DDX60L: variants seen among roughly 807,000 people sequenced by gnomAD.
The protein encoded by DDX60L is DExD/H-box 60 like.
A neutral mutation model predicts 211.6 loss-of-function variants in DDX60L; 191 were observed. The observed-to-expected ratio is 0.90, with a 90% CI of 0.80 to 1.02. The LOEUF (loss-of-function observed/expected upper bound fraction) is 1.02, where lower values mean the gene tolerates loss of function less well. Ranked by LOEUF, DDX60L falls within the 50% of genes least tolerant of loss-of-function variation. DDX60L has a pLI of 0.00. For synonymous variants in DDX60L, 706 were observed against 694.1 expected (o/e 1.02, Z -0.27); for missense variants, 2,007 against 1,984.1 (o/e 1.01, Z -0.22).
At chr4:168,449,654 A>AAAAAAAAAAAAAAAAAAAAAAAAAC (rs1561098700) in intron 8 of DDX60L, among the ~76,000 whole-genome samples, 1 of 59,674 alleles carries the variant, frequency 1.7e-5, no homozygotes, top group African/African-American at 8.0e-5. Context: ...AAAAAATGCA[A>AAAAAAAAAAAAAAAAAAAAAAAAAC]AAAAAAAAAA....
chr4:168,408,029 G>A (rs914189994), intron 22 of DDX60L, among the ~76,000 whole-genome samples: 41 of 152,176 alleles, frequency 2.7e-4, no homozygotes, highest in Admixed American at 2.1e-3. Context: ...ACTAGTAACT[G>A]TATTCATTAT....
rs1336418661 is a variant in DDX60L, at chr4:168,432,462, A to T, written c.1509T>A (p.His503Gln). The change falls in exon 12 of 38, where the codon CAT becomes CAA. Residue 503 changes from histidine (H) to glutamine (Q), a missense_variant. Coordinates refer to ENST00000682922, the MANE Select transcript of DDX60L (RefSeq NM_001012967.3). Reference protein sequence around the residue: ...LSDDYDRIKCHVDEQSRDPHV... With the variant: ...LSDDYDRIKCQVDEQSRDPHV... ...CGTGGTTACAGAGCTCACCATCAAC[A>T]TGACATTTGATCCTGTCATAGTCGT... 3 of 1,563,834 alleles carry T rather than the reference A, an allele frequency of 1.9e-6. No individual in the cohort carries two copies. Among genetic ancestry groups the T allele is most frequent in the Non-Finnish European group, 2.6e-6 (3 of 1,152,004 alleles).
intron 4 of DDX60L, 134 bp downstream of exon 4, chr4:168,471,613 T>G (rs1758785394): frequency 1.5e-6 from 1 of 655,550 alleles, no homozygotes; most frequent in Admixed American, 3.7e-5. Flanking sequence ...TATGGGTAAT[T>G]TTTTCTTTTG....
rs372407110 is a variant in DDX60L at position 168,379,429 on chromosome 4, T to C, written c.4297A>G (p.Asn1433Asp). Residue 1433 changes from asparagine to aspartate, a missense_variant, in exon 32 of 38, where the codon AAT (asparagine) becomes GAT (aspartate). Coordinates refer to ENST00000682922, the MANE Select transcript of DDX60L (RefSeq NM_001012967.3). ...TTGAGAAAATTTACAAAAACAAGATTTGAAGGTTCATGACCATGCAAATAT... is the reference window on the plus strand; with the variant it reads ...TTGAGAAAATTTACAAAAACAAGATCTGAAGGTTCATGACCATGCAAATAT... ...ASYLHGHEPS[N>D]LVFVNFLKRG... The C allele has an allele frequency of 1.2e-6, 2 of 1,604,108 alleles. No individual in the cohort carries two copies. Among genetic ancestry groups the C allele is most frequent in the South Asian group, 1.1e-5 (1 of 88,298 alleles).
At chr4:168,393,555 A>G (rs375315591) in intron 28 of DDX60L, among the ~76,000 whole-genome samples, 73 of 152,156 alleles carry the variant, frequency 4.8e-4, no homozygotes, top group African/African-American at 1.6e-3. Context: ...CTTCTACACA[A>G]CTCTTCACAC....
intron 28 of DDX60L, among the ~76,000 whole-genome samples, chr4:168,392,641 C>T (rs546538320): frequency 4.1e-4 from 63 of 152,050 alleles, no homozygotes; most frequent in African/African-American, 1.4e-3. Flanking sequence ...GTGAGGAGTT[C>T]GAGACCAGCC....
Position 168,375,401 on chromosome 4 carries a change from GC to G in DDX60L, c.4608del (p.Glu1536AspfsTer25). 6.2e-7 allele frequency: 1 copy of G among 1,612,602 alleles called. No homozygotes were observed. The highest frequency in any genetic ancestry group is 8.5e-7 in the Non-Finnish European group (1 of 1,179,294). ...IASKSVNMKKEHQLPLSRIKF... is the reference protein window; with the variant it reads ...IASKSVNMKKXHQLPLSRIKF... ...CTGATTCTTGACAAAGGGAGTTGATGCTCTTTTTTCATGTTCACCGACTTGG... is the reference window on the plus strand; with the variant it reads ...CTGATTCTTGACAAAGGGAGTTGATGTCTTTTTTCATGTTCACCGACTTGG... On this transcript the variant is annotated frameshift_variant, in exon 34 of 38. Transcript: ENST00000682922. LOFTEE classifies it high-confidence loss of function.
At chr4:168,363,009 T>G (rs1377553660) in intron 36 of DDX60L, among the ~76,000 whole-genome samples, 1 of 152,144 alleles carries the variant, frequency 6.6e-6, no homozygotes, top group East Asian at 1.9e-4. Context: ...CTGAGGCACA[T>G]TATAACCAAA....
intron 14 of DDX60L, among the ~76,000 whole-genome samples, chr4:168,425,089 C>T (rs1364376374): frequency 6.6e-6 from 1 of 152,182 alleles, no homozygotes; most frequent in African/African-American, 2.4e-5. Context: ...GCACTAAGAA[C>T]GGTACAATAC....
chr4:168,457,012 AC>A (rs10711491), intron 6 of DDX60L, among the ~76,000 whole-genome samples: 44,078 of 151,794 alleles, frequency 0.29, 8,060 homozygotes, highest in East Asian at 0.62. Flanking sequence ...GGAGTTCAAG[AC>A]CAGCCTGGGT....
chr4:168,365,297 G>T (rs1473293781), intron 36 of DDX60L, among the ~76,000 whole-genome samples: 1 of 151,580 alleles, frequency 6.6e-6, no homozygotes, highest in East Asian at 1.9e-4. Context: ...GAAAAAAGAG[G>T]GAAGACTAAA....
chr4:168,467,946 C>G (rs1002823746), intron 4 of DDX60L, among the ~76,000 whole-genome samples: 2 of 152,094 alleles, frequency 1.3e-5, no homozygotes, highest in African/African-American at 4.8e-5. Context: ...GCAGGCAGAT[C>G]ACCTGAGGTC....
rs1479726116 is a variant in DDX60L, at chr4:168,405,981, G to A, written c.3182C>T (p.Thr1061Ile). The A allele has an allele frequency of 6.3e-7, 1 of 1,590,360 alleles. No individual in the cohort carries two copies. The highest frequency in any genetic ancestry group is 1.8e-5 in the Admixed American group (1 of 55,962). The change falls in exon 24 of 38, where the codon ACA becomes ATA. Residue 1061 changes from threonine to isoleucine, a missense_variant. By Grantham distance (89) the Thr-to-Ile change is moderately conservative. Coordinates refer to ENST00000682922, the MANE Select transcript of DDX60L (RefSeq NM_001012967.3). ...CACTTGGCCATTTTTAATCCAATTT[G>A]TCAATTCTGCCTTTAAGTTTTCTTC... Reference protein sequence around the residue: ...KYEENLKAELTNWIKNGQVKK... With the variant: ...KYEENLKAELINWIKNGQVKK...
chr4:168,461,476 C>A (rs1757311811), intron 5 of DDX60L, among the ~76,000 whole-genome samples: 1 of 152,184 alleles, frequency 6.6e-6, no homozygotes, highest in South Asian at 2.1e-4. Flanking sequence ...TGCTACAAAC[C>A]TTATAGGAGT....
intron 28 of DDX60L, 61 bp downstream of exon 28, chr4:168,394,404 G>T: frequency 7.7e-7 from 1 of 1,298,038 alleles, no homozygotes; most frequent in East Asian, 2.5e-5. Context: ...TTACCTTTTA[G>T]TGGTATTCAG....
chr4:168,435,558 G>A (rs893609273), intron 10 of DDX60L, among the ~76,000 whole-genome samples: 1 of 152,134 alleles, frequency 6.6e-6, no homozygotes, highest in Non-Finnish European at 1.5e-5. Flanking sequence ...TTCATTGTTT[G>A]AGCAAAATAA....
chr4:168,452,527 C>T (rs936798678), intron 8 of DDX60L, among the ~76,000 whole-genome samples: 5 of 152,084 alleles, frequency 3.3e-5, no homozygotes, highest in Admixed American at 1.3e-4. Flanking sequence ...ACATCTAATG[C>T]ACTCAATAAA....
intron 26 of DDX60L, among the ~76,000 whole-genome samples, chr4:168,399,001 C>T (rs553683794): frequency 2.6e-5 from 4 of 152,208 alleles, no homozygotes; most frequent in Non-Finnish European, 5.9e-5. Flanking sequence ...GAGCTCAACA[C>T]TCAATGGGAC....
At chr4:168,360,115 A>G (rs1738854910) in intron 37 of DDX60L, among the ~76,000 whole-genome samples, 1 of 152,200 alleles carries the variant, frequency 6.6e-6, no homozygotes, top group Admixed American at 6.5e-5. Flanking sequence ...ATGTTATCTT[A>G]GTATTTTGTG....
Sources: allele counts gnomAD v4.1 joint callset (sites outside exome capture counted in the v4.1 genomes callset), GRCh38; gene constraint gnomAD v4.1.1; transcripts MANE v1.5; gene names NCBI Gene and HGNC (gene_info 2026-07-23, HGNC 2026-07-21).